PTPRK: variants seen among roughly 807,000 people sequenced by gnomAD.
PTPRK encodes the protein receptor-type tyrosine-protein phosphatase kappa.
A neutral mutation model predicts 178.0 loss-of-function variants in PTPRK; 75 were observed. That is an observed-to-expected ratio of 0.42 (90% confidence interval 0.35 to 0.51). The LOEUF (loss-of-function observed/expected upper bound fraction) is 0.51. Ranked by LOEUF, PTPRK falls within the 20% of genes least tolerant of loss-of-function variation. The pLI is 0.02. For missense variants in PTPRK, 1,441 were observed against 1,797.8 expected, an observed-to-expected ratio of 0.80 and a Z score of 3.59; for synonymous variants, 637 against 620.6, an observed-to-expected ratio of 1.03 and a Z score of -0.39.
chr6:128,520,245 C>A lies in PTPRK; in HGVS notation c.100+14G>T. 3 of 1,573,568 alleles carry A rather than the reference C, an allele frequency of 1.9e-6. No individual in the cohort carries two copies. The highest frequency in any genetic ancestry group is 2.6e-6 in the Non-Finnish European group (3 of 1,158,946). On this transcript the variant is annotated intron_variant, in intron 1 of 29. Transcript: ENST00000368226. ...ACTCCAGGCGTTCGTCGGGGACGCC[C>A]CCCGGCCACTCACCTGCGGAGAACT...
At chr6:127,987,079 T>C (rs1344937899) in intron 21 of PTPRK, among the ~76,000 whole-genome samples, 1 of 152,154 alleles carries the variant, frequency 6.6e-6, no homozygotes, top group Non-Finnish European at 1.5e-5. Context: ...ACTCCTTCTA[T>C]ATTAATTCTT....
intron 2 of PTPRK, among the ~76,000 whole-genome samples, chr6:128,389,051 C>T (rs945673600): frequency 6.6e-6 from 1 of 152,216 alleles, no homozygotes; most frequent in African/African-American, 2.4e-5. Context: ...AAGCCAGCGT[C>T]TTTTTAATCA....
chr6:128,296,727 C>A (rs2128309319), intron 3 of PTPRK, among the ~76,000 whole-genome samples: 1 of 152,232 alleles, frequency 6.6e-6, no homozygotes, highest in South Asian at 2.1e-4. Flanking sequence ...GAAGGAAGCC[C>A]TAAACATGGA....
intron 3 of PTPRK, among the ~76,000 whole-genome samples, chr6:128,302,856 C>A (rs1032659197): frequency 2.0e-4 from 30 of 152,024 alleles, no homozygotes; most frequent in African/African-American, 7.0e-4. Flanking sequence ...TTCTCCTAAC[C>A]CTTAAATATT....
At chr6:128,265,258 G>A (rs1019921735) in intron 3 of PTPRK, among the ~76,000 whole-genome samples, 31 of 152,208 alleles carry the variant, frequency 2.0e-4, no homozygotes, top group Admixed American at 1.5e-3. Context: ...AAAGCTACAT[G>A]ATTTAGGACT....
intron 3 of PTPRK, among the ~76,000 whole-genome samples, chr6:128,312,658 C>T (rs1584089152): frequency 6.6e-6 from 1 of 152,066 alleles, no homozygotes. Flanking sequence ...ATAACCAAGT[C>T]TCATTTAACC....
rs776256048 is a variant in PTPRK at position 128,005,125 on chromosome 6, A to C, written c.2453T>G (p.Leu818Arg). The C allele has an allele frequency of 5.0e-6, 8 of 1,610,796 alleles. No individual in the cohort carries two copies. Residue 818 changes from leucine to arginine, a missense_variant, in exon 15 of 30, where the codon CTT (leucine) becomes CGT (arginine). Leu to Arg is a moderately radical substitution (Grantham distance 102, BLOSUM62 -2). Coordinates refer to ENST00000368226, the MANE Select transcript of PTPRK (RefSeq NM_002844.4). ...DQSTLHAEDPLSITFMDQHNF... is the reference protein window; with the variant it reads ...DQSTLHAEDPRSITFMDQHNF... Reference sequence around the variant, plus strand: ...ATGTTGGTCCATGAAGGTGATGGAAAGAGGATCTTCTGCATGCAGAGTGCT... The same window carrying C: ...ATGTTGGTCCATGAAGGTGATGGAACGAGGATCTTCTGCATGCAGAGTGCT...
intron 3 of PTPRK, among the ~76,000 whole-genome samples, chr6:128,263,146 A>G (rs528213816): frequency 6.6e-6 from 1 of 152,250 alleles, no homozygotes; most frequent in South Asian, 2.1e-4. Context: ...ATCAGTCAAG[A>G]CTGGGGTGCC....
intron 13 of PTPRK, among the ~76,000 whole-genome samples, chr6:128,058,548 A>T (rs1780286816): frequency 6.6e-6 from 1 of 152,050 alleles, no homozygotes; most frequent in African/African-American, 2.4e-5. Context: ...GATATGCCTT[A>T]TTTCAGATAT....
intron 2 of PTPRK, among the ~76,000 whole-genome samples, chr6:128,397,090 A>G (rs1584519812): frequency 6.6e-6 from 1 of 152,266 alleles, no homozygotes; most frequent in South Asian, 2.1e-4. Context: ...TTGTCTCCAC[A>G]CTGCCTCCCC....
chr6:128,003,292 T>G, intron 15 of PTPRK: 1 of 1,397,080 alleles, frequency 7.2e-7, no homozygotes, highest in Non-Finnish European at 9.9e-7. Context: ...TTTAAAATCT[T>G]TTTTCTTTAA....
At chr6:128,081,028 C>T (rs1380724690) in intron 10 of PTPRK, among the ~76,000 whole-genome samples, 1 of 152,032 alleles carries the variant, frequency 6.6e-6, no homozygotes, top group African/African-American at 2.4e-5. Flanking sequence ...CACACACACA[C>T]ACAAACATTT....
intron 1 of PTPRK, among the ~76,000 whole-genome samples, chr6:128,493,387 C>T (rs1255527110): frequency 6.6e-6 from 1 of 151,922 alleles, no homozygotes; most frequent in Non-Finnish European, 1.5e-5. Flanking sequence ...ACAGTGAAAC[C>T]CTGTCTCTAC....
At chr6:127,978,620 CTCT>C (rs1444417210) in intron 25 of PTPRK, among the ~76,000 whole-genome samples, 1 of 152,144 alleles carries the variant, frequency 6.6e-6, no homozygotes, top group African/African-American at 2.4e-5. Context: ...AGAAAGGAAG[CTCT>C]TCTTCCAATC....
At chr6:128,204,443 C>G (rs775920107) in intron 6 of PTPRK, among the ~76,000 whole-genome samples, 2 of 152,082 alleles carry the variant, frequency 1.3e-5, no homozygotes, top group Non-Finnish European at 2.9e-5. Context: ...GAAAGAACTT[C>G]TGCACAGCAA....
chr6:128,082,417 T>C lies in PTPRK; in HGVS notation c.1777+20A>G, dbSNP rs758142712. The C allele has an allele frequency of 7.1e-5, 112 of 1,567,618 alleles. No individual in the cohort carries two copies. Among genetic ancestry groups the C allele is most frequent in the Admixed American group, 1.0e-4 (6 of 59,858 alleles). On this transcript the variant is annotated intron_variant, in intron 10 of 29. Transcript: ENST00000368226. Reference sequence around the variant, plus strand: ...CCAATGGCATAATCAATCCTATTTGTAATTTATTCATTTGCATACCTGAGA... The same window carrying C: ...CCAATGGCATAATCAATCCTATTTGCAATTTATTCATTTGCATACCTGAGA...
chr6:128,000,260 C>G (rs766938994), intron 15 of PTPRK: 2 of 1,241,028 alleles, frequency 1.6e-6, no homozygotes, highest in Non-Finnish European at 2.1e-6. Flanking sequence ...TTTGCCTGTT[C>G]TATCACCAAC....
At chr6:128,217,757 C>A (rs984043092) in intron 6 of PTPRK, among the ~76,000 whole-genome samples, 18 of 152,064 alleles carry the variant, frequency 1.2e-4, no homozygotes, top group African/African-American at 4.3e-4. Flanking sequence ...TACATCCATA[C>A]CCCTACTTGG....
intron 2 of PTPRK, among the ~76,000 whole-genome samples, chr6:128,342,915 C>G (rs1018766986): frequency 6.6e-6 from 1 of 151,264 alleles, no homozygotes; most frequent in Non-Finnish European, 1.5e-5. Context: ...AGCAAGGCCT[C>G]ATTTCTAAAA....
Sources: gnomAD v4.1 joint callset for allele counts (sites outside exome capture counted in the v4.1 genomes callset) on GRCh38, gnomAD v4.1.1 for gene constraint, MANE v1.5 for transcripts, NCBI Gene and HGNC (gene_info 2026-07-23, HGNC 2026-07-21) for gene names.